The following PRSS48 variants were observed in gnomAD, a reference collection of about 807,000 sequenced individuals.
PRSS48 encodes epidermis-specific serine protease-like protein.
PRSS48 carries 21 observed loss-of-function variants against 25.6 expected under a neutral mutation model. The observed-to-expected ratio is 0.82, with a 90% CI of 0.58 to 1.18. The LOEUF is 1.18. PRSS48 is among the 50% of genes most tolerant of loss of function. PRSS48 has a pLI of 0.00. For missense variants in PRSS48, 373 were observed against 399.3 expected, an observed-to-expected ratio of 0.93 and a Z score of 0.56; for synonymous variants, 150 against 149.3, an observed-to-expected ratio of 1.00 and a Z score of -0.04.
chr4:151,291,566 A>G, downstream of PRSS48: 1 of 668,736 alleles, frequency 1.5e-6, no homozygotes. Context: ...AAGAGTTAAG[A>G]AATAAAACTG....
intron 4 of PRSS48, among the ~76,000 whole-genome samples, chr4:151,286,184 G>GAAAAAA (rs56850648): frequency 5.7e-4 from 49 of 86,560 alleles, no homozygotes; most frequent in East Asian, 1.8e-3. Context: ...CTGTCTTAAA[G>GAAAAAA]AAAAAAAAAA....
At chr4:151,289,728 C>T in intron 4 of PRSS48, among the ~76,000 whole-genome samples, 1 of 152,190 alleles carries the variant, frequency 6.6e-6, no homozygotes, top group South Asian at 2.1e-4. Flanking sequence ...TACCATATGA[C>T]CCAGAAATTC....
chr4:151,285,004 C>T (rs1311733648), intron 4 of PRSS48, among the ~76,000 whole-genome samples: 1 of 152,130 alleles, frequency 6.6e-6, no homozygotes, highest in Non-Finnish European at 1.5e-5. Context: ...GAACTCTATC[C>T]TCTAATTCCT....
intron 4 of PRSS48, among the ~76,000 whole-genome samples, chr4:151,287,299 C>T (rs1774894811): frequency 2.0e-5 from 3 of 146,818 alleles, no homozygotes; most frequent in South Asian, 2.2e-4. Context: ...CAAGATCATG[C>T]CACTGTACTC....
chr4:151,277,322 G>C (rs969015221), intron 1 of PRSS48, 98 bp downstream of exon 1: 39 of 941,824 alleles, frequency 4.1e-5, no homozygotes, highest in Non-Finnish European at 5.5e-5. Flanking sequence ...TGGGATGTTA[G>C]TTATGAGTAG....
At chr4:151,289,029 G>A (rs564859325) in intron 4 of PRSS48, among the ~76,000 whole-genome samples, 8 of 152,326 alleles carry the variant, frequency 5.3e-5, no homozygotes, top group African/African-American at 1.7e-4. Context: ...CTAGCATAAG[G>A]AGAGACATCT....
chr4:151,284,814 G>A (rs1774584659), intron 4 of PRSS48, among the ~76,000 whole-genome samples: 1 of 152,162 alleles, frequency 6.6e-6, no homozygotes, highest in Non-Finnish European at 1.5e-5. Context: ...TCCTGTGATA[G>A]GCATCAGCAG....
chr4:151,282,281 T>A, exon 3 of PRSS48: 4 of 1,613,992 alleles, frequency 2.5e-6, no homozygotes, highest in Non-Finnish European at 3.4e-6. Flanking sequence ...AGACGTCGCC[T>A]TGTTGAAACT....
chr4:151,281,668 G>GTTATTTATTTATTTAT (rs148514083), intron 2 of PRSS48, among the ~76,000 whole-genome samples: 6 of 150,788 alleles, frequency 4.0e-5, no homozygotes, highest in African/African-American at 7.3e-5. Context: ...CAGAGAACTT[G>GTTATTTATTTATTTAT]TTATTTATTT....
chr4:151,282,098 T>C, intron 2 of PRSS48, 50 bp from the exon 3 acceptor site: 1 of 1,599,176 alleles, frequency 6.3e-7, no homozygotes, highest in Non-Finnish European at 8.5e-7. Flanking sequence ...AGGCAGCCTG[T>C]TCTGACCCAG....
chr4:151,277,304 T>C (rs1773725013), intron 1 of PRSS48, 80 bp downstream of exon 1: 1 of 1,142,054 alleles, frequency 8.8e-7, no homozygotes. Context: ...AATGTGACAC[T>C]TCACCCATGG....
At chr4:151,291,508 T>C (rs906498152), downstream of PRSS48, 1 of 1,303,864 alleles carries the variant, frequency 7.7e-7, no homozygotes, top group Non-Finnish European at 1.1e-6. Flanking sequence ...TTTGAAATGA[T>C]TTTGTTTTTA....
chr4:151,282,516 A>C, intron 3 of PRSS48, 103 bp downstream of exon 3: 1 of 1,162,938 alleles, frequency 8.6e-7, no homozygotes, highest in Non-Finnish European at 1.2e-6. Flanking sequence ...ATTTTTCAAC[A>C]AAACCAGATC....
At chr4:151,280,371 G>T (rs150027261) in intron 2 of PRSS48, among the ~76,000 whole-genome samples, 23 of 152,224 alleles carry the variant, frequency 1.5e-4, no homozygotes, top group African/African-American at 5.3e-4. Flanking sequence ...ACCAACGTGA[G>T]TTTGGACACA....
chr4:151,285,523 T>C (rs1398479293), intron 4 of PRSS48, among the ~76,000 whole-genome samples: 1 of 152,138 alleles, frequency 6.6e-6, no homozygotes. Flanking sequence ...TGAATAAAAA[T>C]GAAGAAACAA....
At chr4:151,289,114 T>C (rs753181355) in intron 4 of PRSS48, among the ~76,000 whole-genome samples, 6 of 152,224 alleles carry the variant, frequency 3.9e-5, no homozygotes, top group Non-Finnish European at 5.9e-5. Flanking sequence ...TAAACATTGG[T>C]ATTGAATCAG....
chr4:151,282,615 G>A (rs1410057364), intron 3 of PRSS48, among the ~76,000 whole-genome samples: 1 of 152,166 alleles, frequency 6.6e-6, no homozygotes, highest in Non-Finnish European at 1.5e-5. Flanking sequence ...ATCTTGCAGA[G>A]TCTAGCTATA....
intron 1 of PRSS48, among the ~76,000 whole-genome samples, 182 bp downstream of exon 1, chr4:151,277,406 TAC>T (rs1200451617): frequency 6.6e-6 from 1 of 151,976 alleles, no homozygotes; most frequent in African/African-American, 2.4e-5. Context: ...GAAATAGCAG[TAC>T]ACACACACAC....
intron 2 of PRSS48, among the ~76,000 whole-genome samples, chr4:151,280,741 T>C (rs187564352): frequency 6.6e-6 from 1 of 151,982 alleles, no homozygotes; most frequent in African/African-American, 2.4e-5. Flanking sequence ...CAGTGACCTA[T>C]GATTGTACCA....
Sources: gnomAD v4.1 joint callset for allele counts (sites outside exome capture counted in the v4.1 genomes callset) on GRCh38, gnomAD v4.1.1 for gene constraint, MANE v1.5 for transcripts, NCBI Gene and HGNC (gene_info 2026-07-23, HGNC 2026-07-21) for gene names.